The following USP49 variants were observed in gnomAD, a reference collection of about 807,000 sequenced individuals.
USP49 encodes the protein ubiquitin carboxyl-terminal hydrolase 49.
A neutral mutation model predicts 58.6 loss-of-function variants in USP49; 24 were observed. The observed-to-expected ratio is 0.41, with a 90% CI of 0.30 to 0.58. The LOEUF (loss-of-function observed/expected upper bound fraction) is 0.58. USP49 is among the 20% of genes least tolerant of loss of function. The pLI is 0.30. For synonymous variants in USP49, 408 were observed against 365.1 expected (o/e 1.12, Z -1.34); for missense variants, 703 against 866.1 (o/e 0.81, Z 2.36).
chr6:41,852,960 C>T (rs1582021898), intron 3 of USP49, among the ~76,000 whole-genome samples: 2 of 152,154 alleles, frequency 1.3e-5, no homozygotes, highest in African/African-American at 2.4e-5. Context: ...GAGGCCTAGG[C>T]GGATGGATCA....
rs150752989 is a variant in USP49 at position 41,829,316 on chromosome 6, AT to A, written c.-28-22306del. ...TCTAATAATTTGTGGATTCTCTTGA[AT>A]TTTTTTTTTTTTTTAAGATGGTGTT... On this transcript the variant is annotated intron_variant, in intron 3 of 7. Coordinates refer to ENST00000682992, the MANE Select transcript of USP49 (RefSeq NM_001286554.2). 6.3e-3 allele frequency among the ~76,000 whole-genome samples: 919 copies of A among 144,886 alleles called. 6 individuals carry two copies. The highest frequency in any genetic ancestry group is 0.015 in the African/African-American group (592 of 39,704).
At position 41,802,448 on chromosome 6, in the gene USP49, A is replaced by ATTTTTTT. The variant is rs1363216201; in HGVS notation, c.1561+1357_1561+1358insAAAAAAA. On this transcript the variant is annotated intron_variant, in intron 5 of 7. Transcript: ENST00000682992. ...TTTTATTTTATTTATTTATTTATTT[A>ATTTTTTT]TTTATTTATTTATTTATTTATTTTT... is the stretch of plus-strand genomic sequence containing the variant. 2.1e-4 allele frequency among the ~76,000 whole-genome samples: 11 copies of ATTTTTTT among 53,332 alleles called. 1 individual carries two copies. Among genetic ancestry groups the ATTTTTTT allele is most frequent in the Middle Eastern group, 9.1e-3 (1 of 110 alleles). The allele number at this position is 53,332 out of a possible 152,430, so 35.0% of individuals were successfully genotyped here.
At position 41,803,261 on chromosome 6, in the gene USP49, A is replaced by G. The variant is rs547246456; in HGVS notation, c.1561+545T>C. Among the ~76,000 whole-genome samples, 4 of 152,170 alleles carry G rather than the reference A, an allele frequency of 2.6e-5. No individual in the cohort carries two copies. Among genetic ancestry groups the G allele is most frequent in the African/African-American group, 9.6e-5 (4 of 41,556 alleles). On this transcript the variant is annotated intron_variant, in intron 5 of 7. Transcript: ENST00000682992. The surrounding 1 kb of genome is among the most constrained non-coding windows in gnomAD (Gnocchi z 4.1). Reference sequence around the variant, plus strand: ...CCTTCCAAGATGACAACTAATGTCAATCAGGAGGTCAATCAACTCCTAGGT... The same window carrying G: ...CCTTCCAAGATGACAACTAATGTCAGTCAGGAGGTCAATCAACTCCTAGGT...
chr6:41,853,002 A>G (rs1774057015), intron 3 of USP49, among the ~76,000 whole-genome samples: 1 of 152,178 alleles, frequency 6.6e-6, no homozygotes, highest in South Asian at 2.1e-4. Context: ...CCAGCCTAAC[A>G]TGGAGAAACC....
At chr6:41,800,896 A>G (rs1772985401) in intron 5 of USP49, among the ~76,000 whole-genome samples, 1 of 152,220 alleles carries the variant, frequency 6.6e-6, no homozygotes, top group Non-Finnish European at 1.5e-5. Context: ...TCCTAGATAA[A>G]AGCACATTGC....
chr6:41,800,953 C>A (rs949620668), intron 5 of USP49, among the ~76,000 whole-genome samples: 1 of 152,214 alleles, frequency 6.6e-6, no homozygotes, highest in Non-Finnish European at 1.5e-5. Context: ...TTCATCTACT[C>A]CAAAGCAGAA....
At chr6:41,887,348 T>C (rs990183320) in intron 2 of USP49, 1 of 152,192 alleles carries the variant, frequency 6.6e-6, no homozygotes, top group Non-Finnish European at 1.5e-5. Context: ...CTAAAGGCAA[T>C]GACTGAAAGC....
intron 1 of USP49, among the ~76,000 whole-genome samples, chr6:41,893,547 C>T (rs1774843538): frequency 6.6e-6 from 1 of 152,172 alleles, no homozygotes; most frequent in Admixed American, 6.5e-5. Context: ...TGCAACACTC[C>T]TACAACACTA....
At chr6:41,860,226 G>C (rs2127354365) in intron 3 of USP49, among the ~76,000 whole-genome samples, 1 of 151,990 alleles carries the variant, frequency 6.6e-6, no homozygotes, top group Middle Eastern at 3.4e-3. Context: ...CAAGACTAAT[G>C]ACTTAGTTTC....
chr6:41,806,110 G>GGCT lies in USP49; in HGVS notation c.873_874insAGC (p.His291_Leu292insSer). 6.2e-7 allele frequency: 1 copy of GGCT among 1,613,994 alleles called. No homozygotes were observed. Among genetic ancestry groups the GGCT allele is most frequent in the Non-Finnish European group, 8.5e-7 (1 of 1,180,050 alleles). On this transcript the variant is annotated inframe_insertion, in exon 4 of 8. Transcript: ENST00000682992. The surrounding 1 kb of genome is among the most constrained non-coding windows in gnomAD (Gnocchi z 5.9). ...TTCCCGTTGGTGGCTTTGGGAAACA[G>GGCT]ATGTTCCGTTTTGGAAGGGTCAAGG...
At chr6:41,840,291 G>A (rs1487651694) in intron 3 of USP49, among the ~76,000 whole-genome samples, 2 of 150,502 alleles carry the variant, frequency 1.3e-5, no homozygotes, top group Admixed American at 6.6e-5. Context: ...GGAGAATGGC[G>A]TCAACCCGGG....
chr6:41,861,548 G>A (rs1401397356), intron 3 of USP49, among the ~76,000 whole-genome samples: 1 of 152,164 alleles, frequency 6.6e-6, no homozygotes, highest in Non-Finnish European at 1.5e-5. Flanking sequence ...GGTAACTACT[G>A]TTAACTGAGC....
intron 3 of USP49, among the ~76,000 whole-genome samples, chr6:41,826,675 A>C (rs1773543685): frequency 1.3e-5 from 2 of 152,194 alleles, no homozygotes; most frequent in Non-Finnish European, 2.9e-5. Context: ...GGACACAATA[A>C]TCCATCTGCT....
At chr6:41,800,782 A>G (rs1772983652) in intron 5 of USP49, among the ~76,000 whole-genome samples, 1 of 152,388 alleles carries the variant, frequency 6.6e-6, no homozygotes, top group Middle Eastern at 3.4e-3. Context: ...TAGAGTATTT[A>G]AACACATTTT....
chr6:41,809,507 A>G (rs1011961734), intron 3 of USP49, among the ~76,000 whole-genome samples: 1 of 151,976 alleles, frequency 6.6e-6, no homozygotes, highest in African/African-American at 2.4e-5. Context: ...CCTGGAGGAC[A>G]GAGCAAGACT....
chr6:41,871,409 T>C (rs1004094471), intron 3 of USP49, among the ~76,000 whole-genome samples, 155 bp downstream of exon 3: 1 of 152,140 alleles, frequency 6.6e-6, no homozygotes, highest in African/African-American at 2.4e-5. Context: ...ATTCACAAGG[T>C]TAAGATGAAA....
At chr6:41,877,820 A>G (rs1429463997) in intron 2 of USP49, among the ~76,000 whole-genome samples, 5 of 152,190 alleles carry the variant, frequency 3.3e-5, no homozygotes, top group East Asian at 3.9e-4. Flanking sequence ...CTTGGCCTAC[A>G]AAAGTGCTGG....
intron 5 of USP49, among the ~76,000 whole-genome samples, chr6:41,800,796 C>CT (rs1257010652): frequency 6.6e-6 from 1 of 152,160 alleles, no homozygotes; most frequent in Non-Finnish European, 1.5e-5. Context: ...ACATTTTTTT[C>CT]TTTAGCATGA....
chr6:41,853,028 A>G (rs978625423), intron 3 of USP49, among the ~76,000 whole-genome samples: 2 of 152,214 alleles, frequency 1.3e-5, no homozygotes, highest in African/African-American at 4.8e-5. Context: ...TCTACTAAAA[A>G]TACAAAAATT....
Sources: allele counts gnomAD v4.1 joint callset (sites outside exome capture counted in the v4.1 genomes callset), GRCh38; gene constraint gnomAD v4.1.1; non-coding constraint Gnocchi (gnomAD v3.1); transcripts MANE v1.5; gene names NCBI Gene and HGNC (gene_info 2026-07-23, HGNC 2026-07-21).